Variants in ASB7 observed in about 807,000 individuals in gnomAD.
ASB7 encodes ankyrin repeat and SOCS box containing 7.
In ASB7, 4 loss-of-function variants were observed where a neutral mutation model predicts 32.5. The observed-to-expected ratio is 0.12, with a 90% CI of 0.06 to 0.28. The LOEUF is 0.28. Ranked by LOEUF, ASB7 falls within the 10% of genes least tolerant of loss-of-function variation. The probability of loss-of-function intolerance (pLI) is 1.00; values close to 1 mark genes in which losing one functional copy is unlikely to be tolerated. For missense variants in ASB7, 181 were observed against 407.1 expected (o/e 0.44, Z 4.78); for synonymous variants, 172 against 155.6 (o/e 1.11, Z -0.78).
At chr15:100,606,873 G>A (rs1169545187) in intron 2 of ASB7, among the ~76,000 whole-genome samples, 1 of 152,020 alleles carries the variant, frequency 6.6e-6, no homozygotes, top group Non-Finnish European at 1.5e-5. Flanking sequence ...ATTACCTCCT[G>A]GCCGGGCGCG....
chr15:100,630,522 A>G (rs571465920), intron 5 of ASB7, among the ~76,000 whole-genome samples: 130 of 152,354 alleles, frequency 8.5e-4, no homozygotes, highest in Middle Eastern at 3.4e-3. Flanking sequence ...GAGAGCCCAC[A>G]TGAAATGGAG....
chr15:100,613,680 A>G (rs1043013504), intron 4 of ASB7, among the ~76,000 whole-genome samples: 6 of 152,348 alleles, frequency 3.9e-5, no homozygotes, highest in Admixed American at 6.5e-5. Flanking sequence ...GCTTCATAAC[A>G]TTAAGACCAA....
In ASB7 at chr15:100,620,189, A is replaced by T. The variant is rs568275321; in HGVS notation, c.211+7762A>T. On this transcript the variant is annotated intron_variant, in intron 4 of 5. Transcript: ENST00000332783. ...CATAGTATTTGCATATAACCTACGC[A>T]TATCTTCCTGTGTACTTTAAAATCA... Among the ~76,000 whole-genome samples the T allele has an allele frequency of 1.1e-4, 16 of 152,362 alleles. No individual in the cohort carries two copies. In the South Asian group the frequency reaches 2.7e-3, roughly 26 times the overall value.
rs79233765 is a variant in ASB7, at chr15:100,650,803, A to G, written c.*2341A>G. On this transcript the variant is annotated 3_prime_UTR_variant, in exon 6 of 6. Transcript: ENST00000332783. ...TGATTTATCTGGAAGCTTAAAAAGA[A>G]TGTTTTATTTTTGTTGTTAATAAAA... The G allele has an allele frequency of 1.3e-5, 2 of 152,240 alleles. No homozygotes were observed. The highest frequency in any genetic ancestry group is 1.3e-4 in the Admixed American group (2 of 15,280). The allele number at this position is 152,240 out of a possible 1,614,324, so 9.4% of individuals were successfully genotyped here.
chr15:100,642,213 A>G (rs1383784303), intron 5 of ASB7, among the ~76,000 whole-genome samples: 14 of 152,250 alleles, frequency 9.2e-5, no homozygotes, highest in Admixed American at 9.2e-4. Context: ...GCTTATGCAG[A>G]GATAAATAAC....
intron 4 of ASB7, among the ~76,000 whole-genome samples, chr15:100,624,153 G>C (rs974079217): frequency 2.0e-5 from 3 of 152,214 alleles, no homozygotes; most frequent in African/African-American, 4.8e-5. Context: ...AGGCTGGGAA[G>C]GGTATGTTGG....
chr15:100,637,955 CT>C (rs541831373), intron 5 of ASB7, among the ~76,000 whole-genome samples: 2,291 of 136,480 alleles, frequency 0.017, 63 homozygotes, highest in African/African-American at 0.05. Flanking sequence ...GAAAGCAGCT[CT>C]TTTTTTTTTT....
At chr15:100,646,012 G>A (rs1361046647) in intron 5 of ASB7, 2 of 453,864 alleles carry the variant, frequency 4.4e-6, no homozygotes, top group African/African-American at 2.0e-5. Context: ...ATCTTCTTCT[G>A]TAGGGACAGT....
intron 4 of ASB7, among the ~76,000 whole-genome samples, chr15:100,615,456 C>T (rs542153519): frequency 2.7e-4 from 41 of 152,298 alleles, no homozygotes; most frequent in African/African-American, 9.6e-4. Flanking sequence ...TTTTCAGCTG[C>T]TGAATATAGT....
At chr15:100,640,675 G>A (rs891586800) in intron 5 of ASB7, among the ~76,000 whole-genome samples, 1 of 151,992 alleles carries the variant, frequency 6.6e-6, no homozygotes, top group Non-Finnish European at 1.5e-5. Context: ...GCTCACTTTG[G>A]GTATTTAAAA....
At chr15:100,608,640 T>G (rs908480909) in intron 2 of ASB7, among the ~76,000 whole-genome samples, 1 of 152,226 alleles carries the variant, frequency 6.6e-6, no homozygotes, top group African/African-American at 2.4e-5. Flanking sequence ...TAAGGATCGC[T>G]TTGCATGTTT....
chr15:100,604,468 A>T (rs1198743733), intron 2 of ASB7, among the ~76,000 whole-genome samples: 1 of 152,204 alleles, frequency 6.6e-6, no homozygotes, highest in Non-Finnish European at 1.5e-5. Flanking sequence ...GGAAGTGCTT[A>T]AAATAGCAGA....
chr15:100,604,390 A>T (rs1374512729), intron 2 of ASB7, among the ~76,000 whole-genome samples: 1 of 152,222 alleles, frequency 6.6e-6, no homozygotes. Flanking sequence ...CAGTAGCAAA[A>T]GTATAAAGTG....
intron 5 of ASB7, among the ~76,000 whole-genome samples, chr15:100,636,645 G>A (rs1019032926): frequency 6.6e-6 from 1 of 152,130 alleles, no homozygotes; most frequent in Admixed American, 6.5e-5. Context: ...AAAAACAGGG[G>A]AATTGGAACA....
chr15:100,602,902 A>T lies in ASB7; in HGVS notation c.-417A>T. On this transcript the variant is annotated 5_prime_UTR_variant, in exon 1 of 6. The change abolishes an upstream ATG in the 5' untranslated region. Coordinates refer to ENST00000332783, the MANE Select transcript of ASB7 (RefSeq NM_198243.3). ...ACCTCCTGCCTTCTCGGCTGTTCGG[A>T]TGTTCGCCGGGCTGGGGCCGTGAGG... is the stretch of plus-strand genomic sequence containing the variant. The T allele has an allele frequency of 1.3e-5, 5 of 398,050 alleles. No individual in the cohort carries two copies. The highest frequency in any genetic ancestry group is 2.2e-5 in the Non-Finnish European group (5 of 225,866). 24.7% of individuals were successfully genotyped at this position (398,050 alleles called of 1,614,324 possible).
chr15:100,611,384 C>T (rs1052612151), intron 3 of ASB7, among the ~76,000 whole-genome samples: 2 of 150,162 alleles, frequency 1.3e-5, no homozygotes, highest in African/African-American at 4.9e-5. Context: ...GGTTTTAGTA[C>T]AGTCCTTTTT....
intron 5 of ASB7, among the ~76,000 whole-genome samples, chr15:100,647,805 T>C (rs1346775703): frequency 6.6e-6 from 1 of 151,542 alleles, no homozygotes; most frequent in East Asian, 1.9e-4. Flanking sequence ...CCGTGGTGGG[T>C]GTCCGGGCTC....
rs1047663078 is a variant in ASB7 at position 100,648,673 on chromosome 15, G to A, written c.*211G>A. ...TAAAAACACACACCACATGCTTGAA[G>A]GTCTTAATTTGGTTTCTTGGTCCAA... On this transcript the variant is annotated 3_prime_UTR_variant, in exon 6 of 6. Coordinates refer to ENST00000332783, the MANE Select transcript of ASB7 (RefSeq NM_198243.3). The A allele has an allele frequency of 4.9e-6, 2 of 410,190 alleles. No individual in the cohort carries two copies. The highest frequency in any genetic ancestry group is 8.6e-6 in the Non-Finnish European group (2 of 232,532). The allele number at this position is 410,190 out of a possible 1,614,324, so 25.4% of individuals were successfully genotyped here.
At chr15:100,625,281 A>G (rs1281919702) in intron 4 of ASB7, among the ~76,000 whole-genome samples, 1 of 152,208 alleles carries the variant, frequency 6.6e-6, no homozygotes, top group Non-Finnish European at 1.5e-5. Context: ...GGAAAGAAAG[A>G]AGTCAAACTG....
Sources: allele counts gnomAD v4.1 joint callset (sites outside exome capture counted in the v4.1 genomes callset), GRCh38; gene constraint gnomAD v4.1.1; transcripts MANE v1.5; gene names NCBI Gene and HGNC (gene_info 2026-07-23, HGNC 2026-07-21).